Variants in ARHGAP24 observed in about 807,000 individuals in gnomAD.
ARHGAP24 encodes the protein Rho GTPase activating protein 24.
A neutral mutation model predicts 76.4 loss-of-function variants in ARHGAP24; 50 were observed. The ratio of observed to expected loss-of-function variants is 0.65; its 90% confidence interval spans 0.52 to 0.83. The LOEUF (loss-of-function observed/expected upper bound fraction) is 0.83. ARHGAP24 is among the 40% of genes least tolerant of loss of function. The pLI is 0.00. For synonymous variants in ARHGAP24, 345 were observed against 323.3 expected (o/e 1.07, Z -0.72); for missense variants, 930 against 914.2 (o/e 1.02, Z -0.22).
intron 1 of ARHGAP24, among the ~76,000 whole-genome samples, chr4:85,483,268 A>G (rs1037357418): frequency 2.6e-5 from 4 of 152,220 alleles, no homozygotes; most frequent in Admixed American, 2.6e-4. Context: ...CTTATGACCA[A>G]CATTTCTTTT....
chr4:85,770,826 C>T (rs1205106035), intron 3 of ARHGAP24, among the ~76,000 whole-genome samples: 1 of 152,210 alleles, frequency 6.6e-6, no homozygotes, highest in East Asian at 1.9e-4. Context: ...CCCATCCTCA[C>T]CTTGGCCTAA....
At position 85,570,599 on chromosome 4, in the gene ARHGAP24, G is replaced by T; in HGVS notation, c.58G>T (p.Ala20Ser). 1 of 1,614,106 alleles carries T rather than the reference G, an allele frequency of 6.2e-7. No homozygotes were observed. The highest frequency in any genetic ancestry group is 8.5e-7 in the Non-Finnish European group (1 of 1,180,014). ...CCAACAAGGCCAAGGGCGGCAGAAT[G>T]CCATCAAGTGTGGGTGGCTGAGGAA... ...NPQQGQGRQN[A>S]IKCGWLRKQG... Residue 20 changes from alanine (A) to serine (S), a missense_variant, in exon 2 of 10, where the codon GCC becomes TCC. By Grantham distance (99) the Ala-to-Ser change is moderately conservative (BLOSUM62 1). Transcript: ENST00000395184.
At chr4:85,599,221 T>A (rs1278050124) in intron 2 of ARHGAP24, among the ~76,000 whole-genome samples, 1 of 151,874 alleles carries the variant, frequency 6.6e-6, no homozygotes, top group Non-Finnish European at 1.5e-5. Flanking sequence ...GAAGAAGGAG[T>A]TGGCATAGGG....
intron 1 of ARHGAP24, among the ~76,000 whole-genome samples, chr4:85,522,151 A>G (rs774610147): frequency 6.6e-6 from 1 of 152,204 alleles, no homozygotes; most frequent in Non-Finnish European, 1.5e-5. Flanking sequence ...ATGCAAGTCC[A>G]TCTGTTTTAC....
rs187918760 is a variant in ARHGAP24, at chr4:85,802,054, C to A, written c.268+80082C>A. 9.2e-5 allele frequency among the ~76,000 whole-genome samples: 14 copies of A among 152,296 alleles called. No individual in the cohort carries two copies. In the East Asian group the frequency reaches 2.7e-3, roughly 29 times the overall value. ...ACAAGTTTTTAATAATTCAACTAAG[C>A]TATTTTATAATGAAGTGAATGTCAC... On this transcript the variant is annotated intron_variant, in intron 3 of 9. Coordinates refer to ENST00000395184, the MANE Select transcript of ARHGAP24 (RefSeq NM_001025616.3).
At chr4:85,632,931 C>T (rs1020352399) in intron 2 of ARHGAP24, among the ~76,000 whole-genome samples, 1 of 151,878 alleles carries the variant, frequency 6.6e-6, no homozygotes, top group East Asian at 1.9e-4. Flanking sequence ...TTCATAGGCT[C>T]ATTGATTTTT....
intron 1 of ARHGAP24, among the ~76,000 whole-genome samples, chr4:85,551,820 G>C (rs1726151938): frequency 8.5e-6 from 1 of 117,324 alleles, no homozygotes. Flanking sequence ...ACAGAGTTTT[G>C]TATAGTAGTC....
intron 2 of ARHGAP24, among the ~76,000 whole-genome samples, chr4:85,660,208 T>C (rs529772942): frequency 2.8e-4 from 43 of 152,310 alleles, no homozygotes; most frequent in African/African-American, 9.4e-4. Flanking sequence ...AATCAGTAAA[T>C]ACCTAAGTCC....
At chr4:85,773,624 A>T (rs1369767603) in intron 3 of ARHGAP24, among the ~76,000 whole-genome samples, 1 of 152,176 alleles carries the variant, frequency 6.6e-6, no homozygotes, top group Non-Finnish European at 1.5e-5. Context: ...AATAGTCTGT[A>T]AATGTCTCCC....
At chr4:85,599,450 C>A (rs1453097085) in intron 2 of ARHGAP24, among the ~76,000 whole-genome samples, 1 of 152,114 alleles carries the variant, frequency 6.6e-6, no homozygotes, top group Non-Finnish European at 1.5e-5. Context: ...CATCCTTCTA[C>A]ATAAAGGTTC....
At chr4:85,992,577 A>G (rs990265198) in intron 8 of ARHGAP24, among the ~76,000 whole-genome samples, 2 of 152,204 alleles carry the variant, frequency 1.3e-5, no homozygotes, top group Admixed American at 1.3e-4. Flanking sequence ...CTAGACAGTC[A>G]TATATAATGG....
At chr4:85,906,636 C>T (rs1424294998) in intron 3 of ARHGAP24, among the ~76,000 whole-genome samples, 1 of 152,030 alleles carries the variant, frequency 6.6e-6, no homozygotes, top group African/African-American at 2.4e-5. Flanking sequence ...TATAGTGAAA[C>T]AAAAATCACC....
At chr4:85,997,698 C>T (rs1185088393) in intron 9 of ARHGAP24, among the ~76,000 whole-genome samples, 4 of 151,940 alleles carry the variant, frequency 2.6e-5, no homozygotes, top group Admixed American at 6.6e-5. Context: ...CTGTTGCCCA[C>T]GCTGGAGAGT....
At chr4:85,754,923 C>G (rs1159333977) in intron 3 of ARHGAP24, among the ~76,000 whole-genome samples, 1 of 152,142 alleles carries the variant, frequency 6.6e-6, no homozygotes. Context: ...TGTCTACCTC[C>G]CCGGGTTGTT....
intron 3 of ARHGAP24, among the ~76,000 whole-genome samples, chr4:85,753,605 T>G (rs1044259130): frequency 2.0e-5 from 3 of 152,226 alleles, no homozygotes; most frequent in African/African-American, 7.2e-5. Context: ...ATATGAGTCT[T>G]TACGCACTGG....
At chr4:85,634,725 T>G (rs750795357) in intron 2 of ARHGAP24, among the ~76,000 whole-genome samples, 1 of 151,904 alleles carries the variant, frequency 6.6e-6, no homozygotes, top group Non-Finnish European at 1.5e-5. Context: ...TTTCCATTGC[T>G]GCCTTTGCCC....
chr4:85,567,163 T>C (rs1033869169), intron 1 of ARHGAP24, among the ~76,000 whole-genome samples: 29 of 152,318 alleles, frequency 1.9e-4, no homozygotes, highest in African/African-American at 7.0e-4. Context: ...TTTTCAGATG[T>C]TGAGAATCCT....
intron 3 of ARHGAP24, among the ~76,000 whole-genome samples, chr4:85,773,418 A>G (rs1393031249): frequency 6.6e-6 from 1 of 152,144 alleles, no homozygotes; most frequent in African/African-American, 2.4e-5. Flanking sequence ...TTGGTTTTTC[A>G]TTCCACATGC....
intron 1 of ARHGAP24, among the ~76,000 whole-genome samples, chr4:85,562,134 A>G (rs1726622773): frequency 6.6e-6 from 1 of 152,234 alleles, no homozygotes; most frequent in South Asian, 2.1e-4. Context: ...TCTGAGTGGA[A>G]GTGTTTAACT....
Sources: gnomAD v4.1 joint callset for allele counts (sites outside exome capture counted in the v4.1 genomes callset) on GRCh38, gnomAD v4.1.1 for gene constraint, MANE v1.5 for transcripts, NCBI Gene and HGNC (gene_info 2026-07-23, HGNC 2026-07-21) for gene names.